IL22: variants seen among roughly 807,000 people sequenced by gnomAD.
The protein encoded by IL22 is interleukin-22.
Under a neutral mutation model 15.5 loss-of-function variants are expected in IL22, and 15 were observed. That is an observed-to-expected ratio of 0.97 (90% CI 0.65 to 1.49). The LOEUF (loss-of-function observed/expected upper bound fraction) is 1.49, where lower values mean the gene tolerates loss of function less well. Ranked by LOEUF, IL22 falls within the 40% of genes most tolerant of loss-of-function variation. The pLI, the probability that IL22 is intolerant of heterozygous loss-of-function variation, is 0.00. For synonymous variants in IL22, 91 were observed against 82.0 expected (o/e 1.11, Z -0.60); for missense variants, 225 against 215.4 (o/e 1.04, Z -0.28).
chr12:68,252,745 C>A lies in IL22; in HGVS notation c.252+19G>T. 1.2e-6 allele frequency: 2 copies of A among 1,613,306 alleles called. No individual in the cohort carries two copies. The highest frequency in any genetic ancestry group is 1.7e-6 in the Non-Finnish European group (2 of 1,179,294). ...CCCATGGACGGCACACGGCCCTGTT[C>A]GTCACAACTGTAGCTTACACTGACT... On this transcript the variant is annotated intron_variant, in intron 3 of 5. Transcript: ENST00000538666.
intron 4 of IL22, 74 bp downstream of exon 4, chr12:68,252,430 G>T: frequency 2.7e-6 from 4 of 1,474,208 alleles, no homozygotes; most frequent in Non-Finnish European, 3.8e-6. Flanking sequence ...GAAGGAGAGA[G>T]AGTTGGGGTA....
rs747223387 is a variant in IL22 at position 68,248,868 on chromosome 12, C to T, written c.471G>A (p.Glu157=). The change falls in exon 6 of 6, where the codon GAG becomes GAA. Residue 157 remains glutamate, a synonymous_variant. Transcript: ENST00000538666. The part of the protein sequence containing the change: ...KLKDTVKKLG[E]SGEIKAIGEL... Reference sequence around the variant, plus strand: ...CTCCAATTGCTTTGATCTCTCCACTCTCTCCAAGCTGTGAAAATAAGAATG... The same window carrying T: ...CTCCAATTGCTTTGATCTCTCCACTTTCTCCAAGCTGTGAAAATAAGAATG... The T allele has an allele frequency of 1.2e-6, 2 of 1,612,078 alleles. No homozygotes were observed. The highest frequency in any genetic ancestry group is 2.2e-5 in the South Asian group (2 of 90,914).
chr12:68,253,188 G>T, intron 2 of IL22, 75 bp downstream of exon 2: 1 of 1,292,970 alleles, frequency 7.7e-7, no homozygotes, highest in Non-Finnish European at 1.1e-6. Context: ...TCTTAGAGAT[G>T]CTCTGAAGAA....
chr12:68,252,635 A>G lies in IL22; in HGVS notation c.265T>C (p.Cys89Arg), dbSNP rs138744056. 2 of 1,613,938 alleles carry G rather than the reference A, an allele frequency of 1.2e-6. No homozygotes were observed. The highest frequency in any genetic ancestry group is 2.7e-5 in the African/African-American group (2 of 74,908). The stretch of plus-strand genomic sequence containing the variant: ...TTCAGCACCTGCTTCATCAGATAGC[A>G]GCGCTCACTCATCTGCAGGTGGAAG... The part of the protein sequence containing the change: ...LFHGVSMSER[C>R]YLMKQVLNFT... The change falls in exon 4 of 6, where the codon TGC becomes CGC. Residue 89 changes from cysteine to arginine, a missense_variant. Coordinates refer to ENST00000538666, the MANE Select transcript of IL22 (RefSeq NM_020525.5).
At chr12:68,252,409 A>G in intron 4 of IL22, 95 bp downstream of exon 4, 1 of 1,230,382 alleles carries the variant, frequency 8.1e-7, no homozygotes, top group Non-Finnish European at 1.2e-6. Context: ...CTGCTAGCTT[A>G]GGGGTAGGGG....
intron 4 of IL22, among the ~76,000 whole-genome samples, chr12:68,251,805 A>T (rs1054956000): frequency 2.0e-5 from 3 of 152,180 alleles, no homozygotes; most frequent in African/African-American, 7.2e-5. Context: ...ATCTTTGGGA[A>T]ATCCTACTGA....
At chr12:68,251,462 A>G (rs1364208186) in intron 5 of IL22, 51 bp downstream of exon 5, 2 of 1,305,530 alleles carry the variant, frequency 1.5e-6, no homozygotes, top group Middle Eastern at 1.8e-4. Context: ...AAGAAAAACA[A>G]CATTTGTCTC....
rs1869818564 is a variant in IL22, at chr12:68,248,666, T to C, written c.*133A>G. ...CTTTGTAACTAACGCAGGGGTTCAT[T>C]TGGAATCCACCCATCATGATGGAGT... On this transcript the variant is annotated 3_prime_UTR_variant, in exon 6 of 6. Transcript: ENST00000538666. The C allele has an allele frequency of 1.4e-6, 1 of 690,646 alleles. No individual in the cohort carries two copies. The highest frequency in any genetic ancestry group is 2.5e-4 in the Middle Eastern group (1 of 4,018). The allele number at this position is 690,646 out of a possible 1,614,324, so 42.8% of individuals were successfully genotyped here.
intron 2 of IL22, 68 bp from the exon 3 acceptor site, chr12:68,252,897 T>C: frequency 8.2e-7 from 1 of 1,213,584 alleles, no homozygotes; most frequent in Non-Finnish European, 1.2e-6. Flanking sequence ...TACATAGACA[T>C]GTGCCCCATC....
At chr12:68,252,673 G>T in intron 3 of IL22, 26 bp from the exon 4 acceptor site, 1 of 1,613,786 alleles carries the variant, frequency 6.2e-7, no homozygotes, top group Non-Finnish European at 8.5e-7. Context: ...AAACAGAAAG[G>T]GTCATAAGGG....
Position 68,248,791 on chromosome 12 carries a change from T to C in IL22, c.*8A>G. On this transcript the variant is annotated 3_prime_UTR_variant, in exon 6 of 6. Coordinates refer to ENST00000538666, the MANE Select transcript of IL22 (RefSeq NM_020525.5). Reference sequence around the variant, plus strand: ...GGGTTAGTTATTCATTTTTCAGCTTTGCTCTGGTCAAATGCAGGCATTTCT... The same window carrying C: ...GGGTTAGTTATTCATTTTTCAGCTTCGCTCTGGTCAAATGCAGGCATTTCT... 6.2e-7 allele frequency: 1 copy of C among 1,609,162 alleles called. No individual in the cohort carries two copies. Among genetic ancestry groups the C allele is most frequent in the Non-Finnish European group, 8.5e-7 (1 of 1,176,142 alleles).
In IL22 at chr12:68,252,515, G is replaced by T. The variant is rs1869967661; in HGVS notation, c.385C>A (p.Leu129Ile). 1 of 1,613,898 alleles carries T rather than the reference G, an allele frequency of 6.2e-7. No individual in the cohort carries two copies. Residue 129 changes from leucine (L) to isoleucine (I), a missense_variant, in exon 4 of 6, where the codon CTA becomes ATA. Coordinates refer to ENST00000538666, the MANE Select transcript of IL22 (RefSeq NM_020525.5). ...AGAGCTGAACTTACACATGTGCTTAGCCTGTTGCTGAGCCTGGCCAGGAAG... is the reference window on the plus strand; with the variant it reads ...AGAGCTGAACTTACACATGTGCTTATCCTGTTGCTGAGCCTGGCCAGGAAG... ...VPFLARLSNR[L>I]STCHIEGDDL...
At chr12:68,252,264 A>T (rs1423319607) in intron 4 of IL22, among the ~76,000 whole-genome samples, 1 of 152,140 alleles carries the variant, frequency 6.6e-6, no homozygotes, top group Non-Finnish European at 1.5e-5. Context: ...AAGACAAACC[A>T]ATGCGGCTTC....
At chr12:68,252,854 G>T in intron 2 of IL22, 25 bp from the exon 3 acceptor site, 1 of 1,605,906 alleles carries the variant, frequency 6.2e-7, no homozygotes, top group South Asian at 1.1e-5. Flanking sequence ...AAGACTAAGG[G>T]TCTGGACATT....
chr12:68,250,548 T>C (rs1291324048), intron 5 of IL22, among the ~76,000 whole-genome samples: 5 of 152,220 alleles, frequency 3.3e-5, no homozygotes, highest in Non-Finnish European at 1.5e-5. Context: ...AGCCTTCATG[T>C]TTCTGAGTAT....
chr12:68,251,931 C>T (rs975483239), intron 4 of IL22, among the ~76,000 whole-genome samples: 1 of 152,196 alleles, frequency 6.6e-6, no homozygotes, highest in African/African-American at 2.4e-5. Context: ...TAAAACATCT[C>T]ATGTGAAAAT....
rs751886272 is a variant in IL22, at chr12:68,252,768, A to G, written c.248T>C (p.Val83Ala). ...RLIGEKLFHGVSMSERCYLMK... is the reference protein window; with the variant it reads ...RLIGEKLFHGASMSERCYLMK... ...TTCGTCACAACTGTAGCTTACACTG[A>G]CTCCGTGGAACAGTTTCTCCCCAAT... Residue 83 changes from valine to alanine, a missense_variant, in exon 3 of 6, where the codon GTC becomes GCC. Transcript: ENST00000538666. The G allele has an allele frequency of 1.3e-5, 21 of 1,613,532 alleles. No individual in the cohort carries two copies. In the East Asian group the frequency reaches 4.0e-4, roughly 31 times the overall value.
Position 68,253,429 on chromosome 12 carries a change from G to T in IL22, c.20C>A (p.Ser7Tyr). MAALQK[S>Y]VSSFLMGTLA... ...GGTCCCCATAAGGAAAGAGCTCACA[G>T]ATTTCTGCAGGGCGGCCATTGCAGA... Residue 7 changes from serine (S) to tyrosine (Y), a missense_variant, in exon 2 of 6, where the codon TCT (serine) becomes TAT (tyrosine). Physicochemically the swap from Ser to Tyr is moderately radical, Grantham distance 144 (BLOSUM62 -2). Coordinates refer to ENST00000538666, the MANE Select transcript of IL22 (RefSeq NM_020525.5). 2 of 1,603,964 alleles carry T rather than the reference G, an allele frequency of 1.2e-6. No homozygotes were observed. Among genetic ancestry groups the T allele is most frequent in the Non-Finnish European group, 1.7e-6 (2 of 1,174,018 alleles).
In IL22 at chr12:68,253,424, T is replaced by C. The variant is rs200840384; in HGVS notation, c.25A>G (p.Ser9Gly). ...GCCAGGGTCCCCATAAGGAAAGAGC[T>C]CACAGATTTCTGCAGGGCGGCCATT... is the stretch of plus-strand genomic sequence containing the variant. MAALQKSV[S>G]SFLMGTLATS... The change falls in exon 2 of 6, where the codon AGC (serine) becomes GGC (glycine). Residue 9 changes from serine (S) to glycine (G), a missense_variant. Coordinates refer to ENST00000538666, the MANE Select transcript of IL22 (RefSeq NM_020525.5). 6.2e-7 allele frequency: 1 copy of C among 1,605,232 alleles called. No individual in the cohort carries two copies. Among genetic ancestry groups the C allele is most frequent in the African/African-American group, 1.3e-5 (1 of 74,490 alleles).
Sources: gnomAD v4.1 joint callset for allele counts (sites outside exome capture counted in the v4.1 genomes callset) on GRCh38, gnomAD v4.1.1 for gene constraint, MANE v1.5 for transcripts, NCBI Gene and HGNC (gene_info 2026-07-23, HGNC 2026-07-21) for gene names.